Variants in IFT140 observed in about 807,000 individuals in gnomAD.
IFT140 encodes intraflagellar transport protein 140 homolog.
In IFT140, 133 loss-of-function variants were observed where a neutral mutation model predicts 164.6. That is an observed-to-expected ratio of 0.81 (90% CI 0.70 to 0.93). The LOEUF is 0.93. Ranked by LOEUF, IFT140 falls within the 40% of genes least tolerant of loss-of-function variation. IFT140 has a pLI of 0.00. For synonymous variants in IFT140, 860 were observed against 817.3 expected, an observed-to-expected ratio of 1.05 and a Z score of -0.89; for missense variants, 2,045 against 1,972.3, an observed-to-expected ratio of 1.04 and a Z score of -0.70.
At chr16:1,539,784 C>T (rs1298254084) in intron 19 of IFT140, among the ~76,000 whole-genome samples, 1 of 152,206 alleles carries the variant, frequency 6.6e-6, no homozygotes, top group African/African-American at 2.4e-5. Context: ...GGGCAGGCAG[C>T]GTGCTCCGCT....
intron 13 of IFT140, among the ~76,000 whole-genome samples, chr16:1,572,369 G>T (rs544199498): frequency 1.3e-5 from 2 of 152,326 alleles, no homozygotes; most frequent in South Asian, 2.1e-4. Flanking sequence ...CCCACAGGCC[G>T]GGCGCGGTGG....
rs1285575111 is a variant in IFT140 at position 1,587,925 on chromosome 16, A to G, written c.902+8T>C. ...TCATCAAGGGGCACTGGAAAGGCAG[A>G]CTCTCACCTGAGGGCAGCCTCCCCG... is the stretch of plus-strand genomic sequence containing the variant. On this transcript the variant is annotated splice_region_variant and intron_variant, in intron 8 of 30. Coordinates refer to ENST00000426508, the MANE Select transcript of IFT140 (RefSeq NM_014714.4). The G allele has an allele frequency of 1.2e-6, 2 of 1,605,132 alleles. No homozygotes were observed. Among genetic ancestry groups the G allele is most frequent in the East Asian group, 2.2e-5 (1 of 44,768 alleles).
In IFT140 at chr16:1,551,321, A is replaced by C. The variant is rs2141382958; in HGVS notation, c.2399+6614T>G. On this transcript the variant is annotated intron_variant, in intron 19 of 30. Coordinates refer to ENST00000426508, the MANE Select transcript of IFT140 (RefSeq NM_014714.4). The surrounding 1 kb of genome is among the most constrained non-coding windows in gnomAD (Gnocchi z 4.0). ...AGGTGCAACTCTAAGCCGAGGCCCG[A>C]AGGATCAGCAGCAGGAGGGGCCCCT... 6.6e-6 allele frequency among the ~76,000 whole-genome samples: 1 copy of C among 152,082 alleles called. No individual in the cohort carries two copies. The highest frequency in any genetic ancestry group is 2.1e-4 in the South Asian group (1 of 4,814).
rs540904233 is a variant in IFT140 at position 1,568,053 on chromosome 16, G to A, written c.1770+164C>T. 3.3e-5 allele frequency among the ~76,000 whole-genome samples: 5 copies of A among 152,306 alleles called. No individual in the cohort carries two copies. The South Asian group carries it at 8.3e-4, about 25-fold the overall frequency. On this transcript the variant is annotated intron_variant, in intron 15 of 30. Coordinates refer to ENST00000426508, the MANE Select transcript of IFT140 (RefSeq NM_014714.4). ...CTGGGGAGGTTCCCGGAGAAGGTGG[G>A]AGGGAGAGACCCGGGGAGACGAGGG...
intron 4 of IFT140, among the ~76,000 whole-genome samples, chr16:1,596,450 C>T (rs769418499): frequency 6.6e-6 from 1 of 150,402 alleles, no homozygotes; most frequent in Non-Finnish European, 1.5e-5. Context: ...GGCTGATGTC[C>T]AAGTTTCCAG....
rs900242094 is a variant in IFT140 at position 1,590,834 on chromosome 16, T to C, written c.635-1054A>G. On this transcript the variant is annotated intron_variant, in intron 6 of 30. Transcript: ENST00000426508. ...AGGCTGGAGTAGAGTGACATGATCA[T>C]AGCCCACTGCAGCCTCAGCCTCCTG... Among the ~76,000 whole-genome samples the C allele has an allele frequency of 4.6e-5, 7 of 152,282 alleles. No individual in the cohort carries two copies. The East Asian group carries it at 9.7e-4, about 21-fold the overall frequency.
intron 19 of IFT140, among the ~76,000 whole-genome samples, chr16:1,552,020 C>G (rs182659874): frequency 1.5e-3 from 230 of 152,286 alleles, no homozygotes; most frequent in African/African-American, 5.2e-3. Context: ...CTGACCCCCA[C>G]GGCAACCGCA....
At chr16:1,536,466 C>A (rs2141249975) in intron 19 of IFT140, among the ~76,000 whole-genome samples, 1 of 152,320 alleles carries the variant, frequency 6.6e-6, no homozygotes, top group East Asian at 1.9e-4. Context: ...CATCCTCCTG[C>A]AACTTGTATG....
intron 7 of IFT140, 125 bp downstream of exon 7, chr16:1,589,480 G>T: frequency 2.3e-6 from 2 of 885,522 alleles, no homozygotes; most frequent in East Asian, 2.6e-5. Context: ...TACGTTAGCC[G>T]CCCTAACTCA....
chr16:1,520,147 T>A lies in IFT140; in HGVS notation c.3857A>T (p.Tyr1286Phe), dbSNP rs752323916. 6.2e-7 allele frequency: 1 copy of A among 1,613,938 alleles called. No individual in the cohort carries two copies. Among genetic ancestry groups the A allele is most frequent in the African/African-American group, 1.3e-5 (1 of 74,934 alleles). ...GRALDLLAGF[Y>F]DACAQVEIDE... Reference sequence around the variant, plus strand: ...GGCCTGCACCTGGGCACAAGCGTCATAAAAGCCAGCCAGGAGGTCCAGGGC... The same window carrying A: ...GGCCTGCACCTGGGCACAAGCGTCAAAAAAGCCAGCCAGGAGGTCCAGGGC... Residue 1286 changes from tyrosine (Y) to phenylalanine (F), a missense_variant, in exon 28 of 31, where the codon TAT becomes TTT. Transcript: ENST00000426508.
intron 30 of IFT140, among the ~76,000 whole-genome samples, chr16:1,515,033 A>G (rs2141117647): frequency 6.6e-6 from 1 of 152,316 alleles, no homozygotes; most frequent in African/African-American, 2.4e-5. Flanking sequence ...CTAGATAAAT[A>G]CAAATTAATC....
chr16:1,528,433 G>GCA (rs4017983), intron 19 of IFT140, among the ~76,000 whole-genome samples: 71,399 of 148,806 alleles, frequency 0.48, 19,720 homozygotes, highest in African/African-American at 0.76. Flanking sequence ...ACACACAGAT[G>GCA]CACACACACA....
chr16:1,580,703 G>C (rs1596402021), intron 13 of IFT140, 56 bp downstream of exon 13: 1 of 1,160,628 alleles, frequency 8.6e-7, no homozygotes, highest in Non-Finnish European at 1.3e-6. Context: ...TGTCTCAATT[G>C]AGAGGCAGGA....
Position 1,526,060 on chromosome 16 carries a change from C to G in IFT140, c.2595G>C (p.Leu865=), listed in dbSNP as rs1368059296. 3 of 1,592,484 alleles carry G rather than the reference C, an allele frequency of 1.9e-6. No individual in the cohort carries two copies. The highest frequency in any genetic ancestry group is 2.6e-6 in the Non-Finnish European group (3 of 1,169,874). The change falls in exon 21 of 31, where the codon CTG becomes CTC. Residue 865 remains leucine (L), a synonymous_variant. Transcript: ENST00000426508. ...QLGMLEDAEQ[L]YRKCKRHDLL... Reference sequence around the variant, plus strand: ...GGTCGTGGCGCTTGCACTTCCTGTACAGCTGCTCGGCGTCCTCCTGAGGAA... The same window carrying G: ...GGTCGTGGCGCTTGCACTTCCTGTAGAGCTGCTCGGCGTCCTCCTGAGGAA...
intron 26 of IFT140, among the ~76,000 whole-genome samples, chr16:1,522,832 G>A (rs1387709337): frequency 6.6e-6 from 1 of 152,178 alleles, no homozygotes; most frequent in African/African-American, 2.4e-5. Context: ...TAGTAGCCCA[G>A]TAAAAAATGG....
chr16:1,553,957 A>G lies in IFT140; in HGVS notation c.2399+3978T>C, dbSNP rs2032884328. On this transcript the variant is annotated intron_variant, in intron 19 of 30. Coordinates refer to ENST00000426508, the MANE Select transcript of IFT140 (RefSeq NM_014714.4). The surrounding 1 kb of genome is among the most constrained non-coding windows in gnomAD (Gnocchi z 4.4). ...AAGATAAAACTGTAAGTGAAACTGT[A>G]GCATCAGCGACTAACTAGACGGGAA... 2.3e-6 allele frequency: 3 copies of G among 1,287,002 alleles called. No homozygotes were observed. The East Asian group carries it at 1.7e-4, about 71-fold the overall frequency. The allele number at this position is 1,287,002 out of a possible 1,614,324, so 79.7% of individuals were successfully genotyped here.
At chr16:1,597,022 G>T (rs542403113) in intron 4 of IFT140, among the ~76,000 whole-genome samples, 1 of 152,212 alleles carries the variant, frequency 6.6e-6, no homozygotes, top group Non-Finnish European at 1.5e-5. Flanking sequence ...GGGCTGATGG[G>T]AAAGTGGCGT....
intron 16 of IFT140, among the ~76,000 whole-genome samples, chr16:1,565,475 G>C (rs1053739152): frequency 5.3e-5 from 8 of 152,232 alleles, no homozygotes; most frequent in Middle Eastern, 3.4e-3. Flanking sequence ...TGGACAGAAG[G>C]GGTGTGTCTG....
intron 4 of IFT140, among the ~76,000 whole-genome samples, chr16:1,597,052 G>A (rs957157235): frequency 6.6e-6 from 1 of 152,152 alleles, no homozygotes; most frequent in East Asian, 1.9e-4. Context: ...GAGCGTCTTG[G>A]GGGTGCATCA....
Sources: allele counts gnomAD v4.1 joint callset (sites outside exome capture counted in the v4.1 genomes callset), GRCh38; gene constraint gnomAD v4.1.1; non-coding constraint Gnocchi (gnomAD v3.1); transcripts MANE v1.5; gene names NCBI Gene and HGNC (gene_info 2026-07-23, HGNC 2026-07-21).